CALN1: variants seen among roughly 807,000 people sequenced by gnomAD.
CALN1 encodes the protein calneuron 1, also known as calcium-binding protein 8.
CALN1 carries 17 observed loss-of-function variants against 30.6 expected under a neutral mutation model. The observed-to-expected ratio is 0.56, with a 90% CI of 0.38 to 0.83. The LOEUF is 0.83. Among genes scored for constraint, CALN1 ranks in the 40% least tolerant of loss-of-function variants. The pLI is 0.00. For synonymous variants in CALN1, 156 were observed against 131.4 expected, an observed-to-expected ratio of 1.19 and a Z score of -1.28; for missense variants, 291 against 354.9, an observed-to-expected ratio of 0.82 and a Z score of 1.45.
intron 6 of CALN1, among the ~76,000 whole-genome samples, chr7:71,791,574 G>A (rs1167444649): frequency 6.6e-6 from 1 of 152,116 alleles, no homozygotes; most frequent in African/African-American, 2.4e-5. Context: ...GGAGGAGGGA[G>A]ACGAGCAGAA....
chr7:72,381,147 A>G (rs879271926), intron 2 of CALN1, among the ~76,000 whole-genome samples: 1 of 152,220 alleles, frequency 6.6e-6, no homozygotes, highest in Non-Finnish European at 1.5e-5. Flanking sequence ...AGACATAAAC[A>G]TGTTGATAAA....
At chr7:72,224,361 A>T (rs113842987) in intron 3 of CALN1, among the ~76,000 whole-genome samples, 1,838 of 152,276 alleles carry the variant, frequency 0.012, 32 homozygotes, top group African/African-American at 0.042. Context: ...AGTCATATGG[A>T]AGGCAAAATT....
At chr7:72,419,164 G>A (rs754689640) in intron 1 of CALN1, among the ~76,000 whole-genome samples, 4 of 152,106 alleles carry the variant, frequency 2.6e-5, no homozygotes, top group South Asian at 2.1e-4. Flanking sequence ...TGCTGACGAC[G>A]CCCTGCCGCT....
intron 2 of CALN1, among the ~76,000 whole-genome samples, chr7:72,332,565 T>A (rs1801747487): frequency 6.6e-6 from 1 of 152,020 alleles, no homozygotes; most frequent in Admixed American, 6.6e-5. Flanking sequence ...TAGAAAAGGT[T>A]GGTGATCATT....
At chr7:72,458,211 T>TTATAATATATTATATAATATATTC in the CALN1 span, among the ~76,000 whole-genome samples, 6 of 111,664 alleles carry the variant, frequency 5.4e-5, 1 homozygote, top group Non-Finnish European at 1.0e-4. Flanking sequence ...ATAATATATT[T>TTATAATATATTATATAATATATTC]TATAATATAT....
intron 5 of CALN1, among the ~76,000 whole-genome samples, chr7:71,936,836 T>C (rs1029423663): frequency 1.3e-5 from 2 of 152,092 alleles, no homozygotes; most frequent in Non-Finnish European, 1.5e-5. Context: ...ATGGAGGCAG[T>C]TTCCCCCATA....
At chr7:72,180,431 A>G (rs1789683057) in intron 3 of CALN1, among the ~76,000 whole-genome samples, 1 of 149,562 alleles carries the variant, frequency 6.7e-6, no homozygotes, top group African/African-American at 2.5e-5. Context: ...TGATGCAAAC[A>G]CCGTATTTCA....
At chr7:72,013,543 T>C (rs1800212088) in intron 5 of CALN1, among the ~76,000 whole-genome samples, 1 of 152,096 alleles carries the variant, frequency 6.6e-6, no homozygotes, top group South Asian at 2.1e-4. Context: ...GGAGATACCA[T>C]GCCCAGACTA....
chr7:72,203,197 C>A (rs1483873148), intron 3 of CALN1, among the ~76,000 whole-genome samples: 1 of 151,764 alleles, frequency 6.6e-6, no homozygotes, highest in African/African-American at 2.4e-5. Flanking sequence ...GGGGTGAGGG[C>A]AAGGGGAGGG....
At chr7:72,272,843 G>A (rs943593440) in intron 3 of CALN1, among the ~76,000 whole-genome samples, 6 of 152,092 alleles carry the variant, frequency 3.9e-5, no homozygotes, top group African/African-American at 1.4e-4. Context: ...CTCATTTGGG[G>A]AACACAACTT....
intron 5 of CALN1, among the ~76,000 whole-genome samples, chr7:71,992,815 T>C (rs1799025736): frequency 6.6e-6 from 1 of 152,198 alleles, no homozygotes; most frequent in East Asian, 1.9e-4. Flanking sequence ...TACTTAAGGT[T>C]GACAGACTCC....
At chr7:72,355,187 C>T (rs1218456395) in intron 2 of CALN1, among the ~76,000 whole-genome samples, 4 of 152,172 alleles carry the variant, frequency 2.6e-5, no homozygotes, top group East Asian at 3.9e-4. Flanking sequence ...CGATTACAGG[C>T]GTGAGCCAAC....
intron 3 of CALN1, among the ~76,000 whole-genome samples, chr7:72,183,348 G>C (rs1450990061): frequency 6.6e-6 from 1 of 152,156 alleles, no homozygotes; most frequent in Non-Finnish European, 1.5e-5. Flanking sequence ...GACCAAAAGA[G>C]AGAAAAAGTC....
intron 2 of CALN1, among the ~76,000 whole-genome samples, chr7:72,385,560 A>G (rs781189062): frequency 1.3e-5 from 2 of 152,112 alleles, no homozygotes; most frequent in Non-Finnish European, 2.9e-5. Flanking sequence ...GGAAAATGGA[A>G]TACTATTCAG....
At chr7:72,120,508 C>T (rs1211376922) in intron 3 of CALN1, among the ~76,000 whole-genome samples, 3 of 152,114 alleles carry the variant, frequency 2.0e-5, no homozygotes, top group Admixed American at 6.5e-5. Context: ...AATCTTTGTA[C>T]ACAAATTGTC....
chr7:71,798,634 T>TC (rs1787110754), intron 6 of CALN1, among the ~76,000 whole-genome samples: 1 of 147,204 alleles, frequency 6.8e-6, no homozygotes, highest in South Asian at 2.2e-4. Context: ...TTTTTTTTTT[T>TC]CTTCTCAGAT....
the CALN1 span, among the ~76,000 whole-genome samples, chr7:72,485,441 T>A: frequency 6.6e-6 from 1 of 152,260 alleles, no homozygotes; most frequent in Admixed American, 6.5e-5. Context: ...TTTTGCTATT[T>A]TAATTTAATC....
chr7:71,869,424 C>T (rs1791790460), intron 5 of CALN1, among the ~76,000 whole-genome samples: 1 of 152,056 alleles, frequency 6.6e-6, no homozygotes, highest in South Asian at 2.1e-4. Flanking sequence ...ATTAGCCAGG[C>T]TGGTCTCGAA....
At position 72,121,266 on chromosome 7, in the gene CALN1, TC is replaced by T. The variant is rs565675595; in HGVS notation, c.245-14973del. On this transcript the variant is annotated intron_variant, in intron 3 of 6. Transcript: ENST00000395275. Reference sequence around the variant, plus strand: ...TATTATAATACATATCTATTATATATCTATATTATATAATAATATATAAATT... The same window carrying T: ...TATTATAATACATATCTATTATATATTATATTATATAATAATATATAAATT... Among the ~76,000 whole-genome samples, 1,181 of 132,880 alleles carry T rather than the reference TC, an allele frequency of 8.9e-3. 4 individuals carry two copies. The highest frequency in any genetic ancestry group is 0.028 in the African/African-American group (1,035 of 36,550). 87.2% of individuals were successfully genotyped at this position (132,880 alleles called of 152,430 possible).
Sources: allele counts gnomAD v4.1 joint callset (sites outside exome capture counted in the v4.1 genomes callset), GRCh38; gene constraint gnomAD v4.1.1; transcripts MANE v1.5; gene names NCBI Gene and HGNC (gene_info 2026-07-23, HGNC 2026-07-21).